QTMAN: variants seen among roughly 807,000 people sequenced by gnomAD.
The protein encoded by QTMAN is tRNA-queuosine alpha-mannosyltransferase.
chr2:144,233,948 C>T, the QTMAN span, among the ~76,000 whole-genome samples: 3 of 151,926 alleles, frequency 2.0e-5, no homozygotes, highest in Non-Finnish European at 4.4e-5. Context: ...ACATGATTCA[C>T]AATCACATAA....
chr2:144,326,649 G>A, the QTMAN span, among the ~76,000 whole-genome samples: 3 of 150,114 alleles, frequency 2.0e-5, no homozygotes, highest in Admixed American at 6.6e-5. Flanking sequence ...AAACGTCTAA[G>A]CTTCTTGAAT....
the QTMAN span, among the ~76,000 whole-genome samples, chr2:144,250,421 G>A: frequency 6.6e-6 from 1 of 152,140 alleles, no homozygotes; most frequent in South Asian, 2.1e-4. Context: ...GAGATTACAA[G>A]CACGAGCCAC....
At chr2:144,106,078 C>T in the QTMAN span, among the ~76,000 whole-genome samples, 11 of 152,130 alleles carry the variant, frequency 7.2e-5, no homozygotes, top group Non-Finnish European at 1.3e-4. Context: ...CACCACCAGG[C>T]CTGCCCTAAA....
the QTMAN span, among the ~76,000 whole-genome samples, chr2:144,026,236 C>T: frequency 6.6e-6 from 1 of 152,132 alleles, no homozygotes; most frequent in South Asian, 2.1e-4. Flanking sequence ...GAGTTTGAGA[C>T]CAGCCTGGCC....
the QTMAN span, among the ~76,000 whole-genome samples, chr2:143,990,273 AG>A: frequency 6.6e-6 from 1 of 152,184 alleles, no homozygotes; most frequent in Non-Finnish European, 1.5e-5. Context: ...TAAGGTAGAC[AG>A]ACATTCTTAA....
At chr2:143,948,578 T>C in the QTMAN span, among the ~76,000 whole-genome samples, 5 of 152,278 alleles carry the variant, frequency 3.3e-5, no homozygotes, top group African/African-American at 1.2e-4. Flanking sequence ...TATTCATTTC[T>C]ATACTGGTAA....
chr2:144,239,859 T>A, the QTMAN span, among the ~76,000 whole-genome samples: 2 of 152,162 alleles, frequency 1.3e-5, no homozygotes. Context: ...AAACTAGTTA[T>A]CTCCCTAAAG....
chr2:143,972,079 C>A, the QTMAN span, among the ~76,000 whole-genome samples: 3 of 152,066 alleles, frequency 2.0e-5, no homozygotes, highest in African/African-American at 7.2e-5. Context: ...GTGAAATGTT[C>A]ATTGCTTTTT....
At chr2:144,195,369 C>T in the QTMAN span, among the ~76,000 whole-genome samples, 1 of 152,004 alleles carries the variant, frequency 6.6e-6, no homozygotes, top group African/African-American at 2.4e-5. Context: ...CTAATTAGGA[C>T]CTGCATTTTT....
chr2:143,958,392 A>G, the QTMAN span, among the ~76,000 whole-genome samples: 1 of 152,162 alleles, frequency 6.6e-6, no homozygotes, highest in Non-Finnish European at 1.5e-5. Context: ...GTAAAATACA[A>G]AGTTTTCAAG....
the QTMAN span, among the ~76,000 whole-genome samples, chr2:144,272,885 T>C: frequency 5.3e-5 from 8 of 152,176 alleles, no homozygotes; most frequent in Admixed American, 4.6e-4. Context: ...ACATCTGAAC[T>C]GCATGAAATT....
the QTMAN span, among the ~76,000 whole-genome samples, chr2:144,324,197 C>T: frequency 1.3e-5 from 2 of 152,254 alleles, no homozygotes; most frequent in African/African-American, 2.4e-5. Context: ...TGCTATACCA[C>T]GCAGGAGTGT....
At chr2:143,960,717 G>A in the QTMAN span, among the ~76,000 whole-genome samples, 20 of 152,024 alleles carry the variant, frequency 1.3e-4, no homozygotes, top group South Asian at 1.0e-3. Flanking sequence ...TGGCAGCACA[G>A]GTAGACATCA....
the QTMAN span, among the ~76,000 whole-genome samples, chr2:144,023,103 G>A: frequency 2.8e-3 from 420 of 152,186 alleles, 3 homozygotes; most frequent in African/African-American, 9.7e-3. Flanking sequence ...AGTTGTTAGA[G>A]CCAGTTTCTG....
the QTMAN span, among the ~76,000 whole-genome samples, chr2:144,038,016 A>G: frequency 6.6e-6 from 1 of 152,204 alleles, no homozygotes; most frequent in Non-Finnish European, 1.5e-5. Flanking sequence ...CAAAATATCA[A>G]TCTCTCTGAG....
the QTMAN span, among the ~76,000 whole-genome samples, chr2:143,985,456 G>A: frequency 6.6e-6 from 1 of 152,214 alleles, no homozygotes; most frequent in Non-Finnish European, 1.5e-5. Context: ...ACATTGGCTG[G>A]TACAAGAAAT....
At chr2:143,958,021 T>A in the QTMAN span, among the ~76,000 whole-genome samples, 1 of 152,120 alleles carries the variant, frequency 6.6e-6, no homozygotes, top group African/African-American at 2.4e-5. Flanking sequence ...AGTAATGTAA[T>A]TTCACTTAAG....
the QTMAN span, among the ~76,000 whole-genome samples, chr2:144,164,815 G>GA: frequency 6.6e-6 from 1 of 152,108 alleles, no homozygotes; most frequent in Non-Finnish European, 1.5e-5. Flanking sequence ...GCTGAGAGAA[G>GA]AAAAAATGAA....
At chr2:144,195,156 T>C in the QTMAN span, among the ~76,000 whole-genome samples, 1 of 152,104 alleles carries the variant, frequency 6.6e-6, no homozygotes, top group East Asian at 1.9e-4. Flanking sequence ...ATCTGAAGGT[T>C]TATCATCAAA....
Sources: gnomAD v4.1 joint callset for allele counts (sites outside exome capture counted in the v4.1 genomes callset) on GRCh38, gnomAD v4.1.1 for gene constraint, MANE v1.5 for transcripts, NCBI Gene and HGNC (gene_info 2026-07-23, HGNC 2026-07-21) for gene names.